Variants in NR1D2 observed in about 807,000 individuals in gnomAD.
NR1D2 encodes nuclear receptor subfamily 1 group D member 2.
Under a neutral mutation model 52.2 loss-of-function variants are expected in NR1D2, and 25 were observed. The observed-to-expected ratio is 0.48, with a 90% CI of 0.35 to 0.67. The LOEUF is 0.67. Ranked by LOEUF, NR1D2 falls within the 30% of genes least tolerant of loss-of-function variation. NR1D2 has a pLI of 0.01. For missense variants in NR1D2, 681 were observed against 707.2 expected (o/e 0.96, Z 0.42); for synonymous variants, 259 against 230.1 (o/e 1.13, Z -1.14).
At chr3:23,968,304 T>TG (rs1176709233) in intron 7 of NR1D2, among the ~76,000 whole-genome samples, 1 of 152,250 alleles carries the variant, frequency 6.6e-6, no homozygotes, top group Non-Finnish European at 1.5e-5. Flanking sequence ...GTCTAAATCT[T>TG]TATTTCATGA....
chr3:23,956,032 C>G lies in NR1D2; in HGVS notation c.284-5C>G, dbSNP rs1345265779. 6.2e-7 allele frequency: 1 copy of G among 1,610,136 alleles called. No homozygotes were observed. Among genetic ancestry groups the G allele is most frequent in the East Asian group, 2.2e-5 (1 of 44,870 alleles). ...CTTTTTACTTCGTGTCCTTTTGTGTCCTAGAATTTAGTGGCATGGTTCTAC... is the reference window on the plus strand; with the variant it reads ...CTTTTTACTTCGTGTCCTTTTGTGTGCTAGAATTTAGTGGCATGGTTCTAC... On this transcript the variant is annotated splice_polypyrimidine_tract_variant and splice_region_variant and intron_variant, in intron 2 of 7. Coordinates refer to ENST00000312521, the MANE Select transcript of NR1D2 (RefSeq NM_005126.5).
chr3:23,945,576 A>G lies in NR1D2; in HGVS notation c.-3A>G, dbSNP rs774718447. ...CGGCCCCGGCCGCCTCCGCGAGGGCACCATGGAGGTGAATGCAGGTAAGAA... is the reference window on the plus strand; with the variant it reads ...CGGCCCCGGCCGCCTCCGCGAGGGCGCCATGGAGGTGAATGCAGGTAAGAA... On this transcript the variant is annotated 5_prime_UTR_variant, in exon 1 of 8. Coordinates refer to ENST00000312521, the MANE Select transcript of NR1D2 (RefSeq NM_005126.5). 9.6e-6 allele frequency: 11 copies of G among 1,151,472 alleles called. No homozygotes were observed. Among genetic ancestry groups the G allele is most frequent in the Non-Finnish European group, 3.2e-6 (3 of 930,074 alleles). The allele number at this position is 1,151,472 out of a possible 1,614,324, so 71.3% of individuals were successfully genotyped here.
In NR1D2 at chr3:23,960,023, CTGT is replaced by C. The variant is rs1461135707; in HGVS notation, c.517+217_517+219del. 8 of 369,284 alleles carry C rather than the reference CTGT, an allele frequency of 2.2e-5. No individual in the cohort carries two copies. In the South Asian group the frequency reaches 2.9e-4, roughly 13 times the overall value. The allele number at this position is 369,284 out of a possible 1,614,324, so 22.9% of individuals were successfully genotyped here. A position where few individuals can be genotyped will look rare whatever the true frequency, so the allele number is the denominator to read the frequency against. ...CCAGAAACAGTTTTTGGCTAAACTT[CTGT>C]TGTTGTTGCTTCTTCTAAAAAGAGC... On this transcript the variant is annotated intron_variant, in intron 4 of 7. Coordinates refer to ENST00000312521, the MANE Select transcript of NR1D2 (RefSeq NM_005126.5).
In NR1D2 at chr3:23,969,319, A is replaced by T. The variant is rs72628107; in HGVS notation, c.1543+1296A>T. Among the ~76,000 whole-genome samples the T allele has an allele frequency of 3.5e-3, 540 of 152,198 alleles. 14 individuals carry two copies. The East Asian group carries it at 0.051, about 14-fold the overall frequency. On this transcript the variant is annotated intron_variant, in intron 7 of 7. Transcript: ENST00000312521. ...CAAAAACAAAAACAACAAAAAAAAAACAAGTTATTTGTATAATTTTGAGGA... is the reference window on the plus strand; with the variant it reads ...CAAAAACAAAAACAACAAAAAAAAATCAAGTTATTTGTATAATTTTGAGGA...
At chr3:23,945,670 C>T in intron 1 of NR1D2, 76 bp downstream of exon 1, 1 of 358,966 alleles carries the variant, frequency 2.8e-6, no homozygotes, top group African/African-American at 2.3e-5. Context: ...TGGGGGGCGG[C>T]GGCAGGGGGT....
At chr3:23,949,899 A>G (rs1247089763) in intron 1 of NR1D2, among the ~76,000 whole-genome samples, 1 of 152,232 alleles carries the variant, frequency 6.6e-6, no homozygotes, top group Non-Finnish European at 1.5e-5. Flanking sequence ...ATATGCAGGA[A>G]TATCAGTGCT....
At chr3:23,972,450 A>G (rs1706615206) in intron 7 of NR1D2, among the ~76,000 whole-genome samples, 1 of 152,194 alleles carries the variant, frequency 6.6e-6, no homozygotes, top group Non-Finnish European at 1.5e-5. Flanking sequence ...TGGAAGGGGA[A>G]TTATACCTGG....
intron 7 of NR1D2, among the ~76,000 whole-genome samples, chr3:23,970,759 TTTG>T (rs915727209): frequency 9.9e-5 from 15 of 152,082 alleles, no homozygotes; most frequent in Admixed American, 1.3e-4. Context: ...CTAGCTGTTT[TTTG>T]TTGTTGTTGT....
chr3:23,962,694 A>T, intron 5 of NR1D2, 89 bp downstream of exon 5: 1 of 1,276,616 alleles, frequency 7.8e-7, no homozygotes, highest in Non-Finnish European at 1.1e-6. Flanking sequence ...ACTTGGGGGG[A>T]TGGTGTCAGG....
chr3:23,974,035 C>T (rs1706656840), intron 7 of NR1D2, among the ~76,000 whole-genome samples: 1 of 145,424 alleles, frequency 6.9e-6, no homozygotes, highest in Non-Finnish European at 1.5e-5. Flanking sequence ...GATAACAATG[C>T]ATTCTTCAGG....
rs1559334525 is a variant in NR1D2, at chr3:23,962,414, A to G, written c.955A>G (p.Asn319Asp). The G allele has an allele frequency of 2.5e-6, 4 of 1,614,170 alleles. No individual in the cohort carries two copies. Among genetic ancestry groups the G allele is most frequent in the Middle Eastern group, 3.3e-4 (2 of 6,062 alleles). ...FPCSESQQHL[N>D]GQFKGRNIMH... The stretch of plus-strand genomic sequence containing the variant: ...CTGTAGTGAGAGCCAGCAGCATCTC[A>G]ATGGACAGTTCAAAGGGAGGAATAT... The change falls in exon 5 of 8, where the codon AAT becomes GAT. Residue 319 changes from asparagine (N) to aspartate (D), a missense_variant. Physicochemically the swap from Asn to Asp is conservative, Grantham distance 23 (BLOSUM62 1). Transcript: ENST00000312521.
intron 5 of NR1D2, chr3:23,963,380 T>A: frequency 7.9e-7 from 1 of 1,269,180 alleles, no homozygotes. Context: ...TCTACCTCAA[T>A]CTTCATTAAA....
intron 7 of NR1D2, among the ~76,000 whole-genome samples, chr3:23,969,848 G>A (rs1706541728): frequency 6.6e-6 from 1 of 152,142 alleles, no homozygotes; most frequent in African/African-American, 2.4e-5. Flanking sequence ...AAGTGGAGCT[G>A]GAATTTGAAG....
Position 23,967,879 on chromosome 3 carries a change from A to G in NR1D2, c.1399A>G (p.Lys467Glu). ...KERTVTFLSGKKYSVDDLHSM... is the reference protein window; with the variant it reads ...KERTVTFLSGEKYSVDDLHSM... ...ACGTACTGTCACCTTTTTAAGTGGA[A>G]AGAAATATAGTGTGGATGATTTACA... Residue 467 changes from lysine to glutamate, a missense_variant, in exon 7 of 8, where the codon AAG becomes GAG. Around this residue, in one of 3 missense-constraint regions of NR1D2, gnomAD observed 475 missense variants for 454.5 expected, o/e 1.05. Transcript: ENST00000312521. 6.2e-7 allele frequency: 1 copy of G among 1,614,158 alleles called. No homozygotes were observed. The highest frequency in any genetic ancestry group is 8.5e-7 in the Non-Finnish European group (1 of 1,180,002).
At position 23,962,236 on chromosome 3, in the gene NR1D2, A is replaced by AG; in HGVS notation, c.778dup (p.Ala260GlyfsTer9). 1 of 1,614,228 alleles carries AG rather than the reference A, an allele frequency of 6.2e-7. No individual in the cohort carries two copies. The highest frequency in any genetic ancestry group is 1.7e-5 in the Admixed American group (1 of 60,030). ...AAGAAGTGATTGGCATGGTGACCAG[A>AG]GCTCACAAGGATACCTTTATGTATA... is the stretch of plus-strand genomic sequence containing the variant. On this transcript the variant is annotated frameshift_variant, in exon 5 of 8. Transcript: ENST00000312521. LOFTEE classifies it high-confidence loss of function.
rs149470066 is a variant in NR1D2, at chr3:23,968,008, G to A, written c.1528G>A (p.Val510Ile). ...AGAGATGAGTTTGTTTACAGCTGTT[G>A]TCCTGGTATCTGCAGGTAAGCAAGC... ...DEEMSLFTAV[V>I]LVSADRSGIE... The change falls in exon 7 of 8, where the codon GTC (valine) becomes ATC (isoleucine). Residue 510 changes from valine to isoleucine, a missense_variant. Coordinates refer to ENST00000312521, the MANE Select transcript of NR1D2 (RefSeq NM_005126.5). 2.3e-5 allele frequency: 37 copies of A among 1,613,970 alleles called. No homozygotes were observed. Among genetic ancestry groups the A allele is most frequent in the Non-Finnish European group, 3.0e-5 (35 of 1,179,958 alleles).
chr3:23,959,123 C>T (rs950436549), intron 3 of NR1D2, among the ~76,000 whole-genome samples: 1 of 152,022 alleles, frequency 6.6e-6, no homozygotes, highest in African/African-American at 2.4e-5. Flanking sequence ...CAAAAATTAG[C>T]TGGGTGTGGT....
At chr3:23,965,543 C>T (rs764346041) in intron 6 of NR1D2, among the ~76,000 whole-genome samples, 10 of 151,796 alleles carry the variant, frequency 6.6e-5, no homozygotes, top group African/African-American at 1.2e-4. Flanking sequence ...CCACTGTGCC[C>T]GGCAGATGTT....
At chr3:23,956,804 A>G (rs866433510) in intron 3 of NR1D2, among the ~76,000 whole-genome samples, 5 of 152,170 alleles carry the variant, frequency 3.3e-5, no homozygotes, top group Admixed American at 6.5e-5. Context: ...ACTTGGCACA[A>G]TCTTTTCTCC....
Sources: gnomAD v4.1 joint callset for allele counts (sites outside exome capture counted in the v4.1 genomes callset) on GRCh38, gnomAD v4.1.1 for gene constraint, gnomAD v4.1.1 regional missense constraint, MANE v1.5 for transcripts, NCBI Gene and HGNC (gene_info 2026-07-23, HGNC 2026-07-21) for gene names.